The following CAMTA1 variants were observed in gnomAD, a reference collection of about 807,000 sequenced individuals.
CAMTA1 encodes calmodulin-binding transcription activator 1.
In CAMTA1, 27 loss-of-function variants were observed where a neutral mutation model predicts 170.9. The observed-to-expected ratio is 0.16, with a 90% confidence interval of 0.12 to 0.22. The LOEUF (loss-of-function observed/expected upper bound fraction) is 0.22, where lower values mean the gene tolerates loss of function less well. CAMTA1 is among the 10% of genes least tolerant of loss of function. The pLI is 1.00. For synonymous variants in CAMTA1, 833 were observed against 891.5 expected, an observed-to-expected ratio of 0.93 and a Z score of 1.17; for missense variants, 1,619 against 2,217.2, an observed-to-expected ratio of 0.73 and a Z score of 5.42.
intron 21 of CAMTA1, among the ~76,000 whole-genome samples, chr1:7,753,199 A>G (rs1020119078): frequency 3.3e-5 from 5 of 152,246 alleles, no homozygotes; most frequent in African/African-American, 1.2e-4. Context: ...GCATCTTCTC[A>G]TGGAGCTAAG....
intron 4 of CAMTA1, among the ~76,000 whole-genome samples, chr1:7,120,527 G>C (rs992324908): frequency 1.3e-5 from 2 of 152,226 alleles, no homozygotes; most frequent in African/African-American, 4.8e-5. Flanking sequence ...CGTTCCTGCT[G>C]GCCGTATGTG....
chr1:7,627,056 T>C (rs2095638556), intron 6 of CAMTA1, among the ~76,000 whole-genome samples: 1 of 152,206 alleles, frequency 6.6e-6, no homozygotes, highest in African/African-American at 2.4e-5. Context: ...AAGGGACTCC[T>C]ACCTATCCAA....
At chr1:7,427,357 G>C (rs1055303109) in intron 5 of CAMTA1, among the ~76,000 whole-genome samples, 3 of 152,084 alleles carry the variant, frequency 2.0e-5, no homozygotes, top group African/African-American at 7.2e-5. Flanking sequence ...ATATTTATAA[G>C]TAGATTGCGA....
At chr1:7,638,597 A>AC (rs2095734637) in intron 6 of CAMTA1, among the ~76,000 whole-genome samples, 1 of 151,920 alleles carries the variant, frequency 6.6e-6, no homozygotes, top group African/African-American at 2.4e-5. Context: ...AGCCGATATT[A>AC]GGCCACTGCA....
At chr1:7,477,777 T>C (rs1026806806) in intron 6 of CAMTA1, among the ~76,000 whole-genome samples, 6 of 152,158 alleles carry the variant, frequency 3.9e-5, no homozygotes, top group Non-Finnish European at 7.4e-5. Flanking sequence ...CCCTTCACCT[T>C]GCAGACTGCG....
chr1:7,676,481 G>A (rs1320582137), intron 10 of CAMTA1, among the ~76,000 whole-genome samples: 1 of 152,230 alleles, frequency 6.6e-6, no homozygotes, highest in East Asian at 1.9e-4. Context: ...TTTTCCCATC[G>A]GGACTGGGAT....
chr1:7,486,948 T>C (rs1261735506), intron 6 of CAMTA1, among the ~76,000 whole-genome samples: 1 of 152,172 alleles, frequency 6.6e-6, no homozygotes, highest in East Asian at 1.9e-4. Flanking sequence ...TGGCTTAACC[T>C]CAGCCTCTCT....
At chr1:7,374,421 C>T (rs533747437) in intron 5 of CAMTA1, among the ~76,000 whole-genome samples, 10 of 152,184 alleles carry the variant, frequency 6.6e-5, no homozygotes, top group Non-Finnish European at 1.3e-4. Context: ...CTAGGGCAAA[C>T]GAGAAAAGAG....
intron 5 of CAMTA1, among the ~76,000 whole-genome samples, chr1:7,324,674 G>A (rs373895384): frequency 3.9e-5 from 6 of 152,022 alleles, no homozygotes; most frequent in South Asian, 2.1e-4. Flanking sequence ...CAGGCGTGGT[G>A]GCAGGTGCCT....
intron 6 of CAMTA1, among the ~76,000 whole-genome samples, chr1:7,621,766 C>A (rs528002754): frequency 5.9e-5 from 9 of 152,324 alleles, no homozygotes; most frequent in Admixed American, 5.9e-4. Context: ...CAATCCCGAG[C>A]AGGTCGGGGG....
At chr1:6,845,508 TA>T (rs1295208265) in intron 3 of CAMTA1, among the ~76,000 whole-genome samples, 1 of 152,228 alleles carries the variant, frequency 6.6e-6, no homozygotes, top group Non-Finnish European at 1.5e-5. Flanking sequence ...GTGCATATAT[TA>T]AAAAATATAC....
At chr1:7,672,850 AG>A (rs2096072568) in intron 10 of CAMTA1, among the ~76,000 whole-genome samples, 1 of 152,056 alleles carries the variant, frequency 6.6e-6, no homozygotes, top group East Asian at 2.0e-4. Context: ...CAGCAGCCCA[AG>A]GTGCCCACCC....
Position 7,663,951 on chromosome 1 carries a change from C to A in CAMTA1, c.1404C>A (p.Thr468=). ...TGTCCGAAGAGCTGGTCCTCTCCAC[C>A]ACCCTCGACGGTGGCCGGAAGATTC... ...TNVSEELVLS[T]TLDGGRKIPE... The change falls in exon 9 of 23, where the codon ACC becomes ACA. Residue 468 remains threonine, a synonymous_variant. Transcript: ENST00000303635. The A allele has an allele frequency of 6.2e-7, 1 of 1,613,904 alleles. No homozygotes were observed. Among genetic ancestry groups the A allele is most frequent in the African/African-American group, 1.3e-5 (1 of 75,058 alleles).
intron 5 of CAMTA1, among the ~76,000 whole-genome samples, chr1:7,439,292 A>G (rs2092448231): frequency 1.3e-5 from 2 of 152,042 alleles, no homozygotes; most frequent in Non-Finnish European, 2.9e-5. Flanking sequence ...TGTCCCCTGG[A>G]CCACACTGAG....
At chr1:7,342,256 A>T (rs1262574262) in intron 5 of CAMTA1, among the ~76,000 whole-genome samples, 2 of 152,144 alleles carry the variant, frequency 1.3e-5, no homozygotes, top group Non-Finnish European at 2.9e-5. Context: ...ACCTGTCCAG[A>T]GGCAGCAAGG....
At chr1:7,172,103 C>T (rs867905012) in intron 4 of CAMTA1, among the ~76,000 whole-genome samples, 9 of 152,102 alleles carry the variant, frequency 5.9e-5, no homozygotes, top group African/African-American at 1.2e-4. Flanking sequence ...TTCATTGTCA[C>T]GGGACAGGTT....
chr1:7,744,708 G>A (rs2096844813), intron 16 of CAMTA1, 127 bp from the exon 17 acceptor site: 2 of 700,274 alleles, frequency 2.9e-6, no homozygotes, highest in East Asian at 5.2e-5. Flanking sequence ...CATTGCATTG[G>A]ATTGAGGTGG....
intron 3 of CAMTA1, among the ~76,000 whole-genome samples, chr1:6,835,056 AG>A (rs1311573799): frequency 3.9e-5 from 6 of 152,190 alleles, no homozygotes; most frequent in African/African-American, 7.2e-5. Context: ...CAGCATGCTC[AG>A]GGGTTGGCAG....
intron 3 of CAMTA1, among the ~76,000 whole-genome samples, chr1:6,901,915 G>A (rs1282994727): frequency 6.6e-6 from 1 of 151,882 alleles, no homozygotes; most frequent in East Asian, 1.9e-4. Flanking sequence ...GCATGGTGGT[G>A]GGCCCCGGTA....
Sources: allele counts gnomAD v4.1 joint callset (sites outside exome capture counted in the v4.1 genomes callset), GRCh38; gene constraint gnomAD v4.1.1; transcripts MANE v1.5; gene names NCBI Gene and HGNC (gene_info 2026-07-23, HGNC 2026-07-21).